PIEZO1: variants seen among roughly 807,000 people sequenced by gnomAD.
PIEZO1 encodes piezo type mechanosensitive ion channel component 1 (Er blood group).
In PIEZO1, 296 loss-of-function variants were observed where a neutral mutation model predicts 297.2. The ratio of observed to expected loss-of-function variants is 1.00; its 90% CI spans 0.91 to 1.10. The LOEUF is 1.10. Among genes scored for constraint, PIEZO1 ranks in the 50% least tolerant of loss-of-function variants. PIEZO1 has a pLI of 0.00. For synonymous variants in PIEZO1, 2,427 were observed against 1,507.5 expected (o/e 1.61, Z -14.13); for missense variants, 5,018 against 3,455.5 (o/e 1.45, Z -11.34).
At position 88,716,256 on chromosome 16, in the gene PIEZO1, G is replaced by T; in HGVS notation, c.7071C>A (p.Pro2357=). Residue 2357 remains proline (P), a synonymous_variant, in exon 49 of 51, where the codon CCC becomes CCA. Transcript: ENST00000301015. ...DQSVVIPNLF[P]KYIRAPNGPE... The stretch of plus-strand genomic sequence containing the variant: ...GCCCGTTGGGGGCACGGATGTACTT[G>T]GGGAAGAGATTAGGGATGACCCTGC... 6.7e-7 allele frequency: 1 copy of T among 1,493,968 alleles called. No individual in the cohort carries two copies. Among genetic ancestry groups the T allele is most frequent in the South Asian group, 1.3e-5 (1 of 74,708 alleles). The allele number at this position is 1,493,968 out of a possible 1,614,324, so 92.5% of individuals were successfully genotyped here. A position where few individuals can be genotyped will look rare whatever the true frequency, so the allele number is the denominator to read the frequency against.
Position 88,733,610 on chromosome 16 carries a change from G to A in PIEZO1, c.2465C>T (p.Thr822Ile), listed in dbSNP as rs760278106. ...CACCTCCTTCAGGGCCACCCAGACG[G>A]TGTACAGGGCCACCAGCTTGAAAAC... is the stretch of plus-strand genomic sequence containing the variant. ...LHVFKLVALY[T>I]VWVALKEVSV... The change falls in exon 18 of 51, where the codon ACC (threonine) becomes ATC (isoleucine). Residue 822 changes from threonine to isoleucine, a missense_variant. By Grantham distance (89) the Thr-to-Ile change is moderately conservative. Coordinates refer to ENST00000301015, the MANE Select transcript of PIEZO1 (RefSeq NM_001142864.4). 1.5e-4 allele frequency: 239 copies of A among 1,548,306 alleles called. 1 individual carries two copies. Among genetic ancestry groups the A allele is most frequent in the Non-Finnish European group, 1.4e-5 (16 of 1,145,716 alleles).
At chr16:88,761,848 T>A (rs1906949262) in intron 1 of PIEZO1, among the ~76,000 whole-genome samples, 1 of 151,526 alleles carries the variant, frequency 6.6e-6, no homozygotes, top group Admixed American at 6.6e-5. Flanking sequence ...TGTGCTGGGC[T>A]CCCCTGCAGG....
chr16:88,743,011 A>G (rs1368229127), intron 2 of PIEZO1: 1 of 454,494 alleles, frequency 2.2e-6, no homozygotes, highest in South Asian at 1.6e-5. Flanking sequence ...CTGGCATTTC[A>G]GGCACCTGCT....
At chr16:88,725,390 G>T in intron 29 of PIEZO1, 26 bp downstream of exon 29, 1 of 1,327,804 alleles carries the variant, frequency 7.5e-7, no homozygotes. Flanking sequence ...ACGGGGCCCT[G>T]GGTGCCCGAC....
Position 88,734,759 on chromosome 16 carries a change from A to G in PIEZO1, c.1888T>C (p.Trp630Arg), listed in dbSNP as rs1905091416. Residue 630 changes from tryptophan to arginine, a missense_variant, in exon 15 of 51, where the codon TGG becomes CGG. Transcript: ENST00000301015. ...SLWRKLLKAF[W>R]WLVVAYTMLV... ...ATGGTGTAGGCCACCACGAGCCACC[A>G]GAAGGCCTTGAGCAGCTTCCGCCAC... 8.4e-6 allele frequency: 13 copies of G among 1,550,330 alleles called. No homozygotes were observed. Among genetic ancestry groups the G allele is most frequent in the Non-Finnish European group, 1.1e-5 (13 of 1,146,918 alleles).
intron 39 of PIEZO1, 34 bp downstream of exon 39, chr16:88,721,132 G>A (rs1306568581): frequency 6.9e-7 from 1 of 1,458,076 alleles, no homozygotes; most frequent in Non-Finnish European, 9.0e-7. Flanking sequence ...AGAAAACTGG[G>A]TAGGCAGGAG....
intron 50 of PIEZO1, 28 bp from the exon 51 acceptor site, chr16:88,715,882 G>T: frequency 6.5e-7 from 1 of 1,546,108 alleles, no homozygotes; most frequent in Non-Finnish European, 8.7e-7. Context: ...GAGTCCTGGG[G>T]CCGCCCGGAG....
At chr16:88,749,346 C>T (rs1283190129) in intron 2 of PIEZO1, 38 bp downstream of exon 2, 7 of 1,365,414 alleles carry the variant, frequency 5.1e-6, no homozygotes, top group East Asian at 2.9e-5. Flanking sequence ...CCCACCCCCT[C>T]CCACCCTGAG....
chr16:88,722,745 G>T, intron 34 of PIEZO1, 56 bp from the exon 35 acceptor site: 1 of 1,528,388 alleles, frequency 6.5e-7, no homozygotes, highest in South Asian at 1.2e-5. Flanking sequence ...CCCACACGGG[G>T]TTTCGTGCAG....
intron 5 of PIEZO1, 42 bp from the exon 6 acceptor site, chr16:88,738,778 C>A (rs1301544115): frequency 1.3e-6 from 2 of 1,483,290 alleles, no homozygotes; most frequent in Admixed American, 4.0e-5. Flanking sequence ...GTGTATCGCA[C>A]TGACGCCACC....
At chr16:88,722,781 AG>A in intron 34 of PIEZO1, 55 bp downstream of exon 34, 1 of 1,531,256 alleles carries the variant, frequency 6.5e-7, no homozygotes, top group Non-Finnish European at 8.8e-7. Context: ...GCTGTTAAGC[AG>A]GCAGGGGCGT....
At chr16:88,760,055 G>A (rs753053488) in intron 1 of PIEZO1, among the ~76,000 whole-genome samples, 3 of 90,790 alleles carry the variant, frequency 3.3e-5, no homozygotes, top group African/African-American at 5.5e-5. Flanking sequence ...AGGCCCCAGC[G>A]GACGTGACAC....
intron 29 of PIEZO1, 28 bp downstream of exon 29, chr16:88,725,388 C>A: frequency 7.5e-7 from 1 of 1,328,738 alleles, no homozygotes; most frequent in Non-Finnish European, 1.0e-6. Context: ...ACACGGGGCC[C>A]TGGGTGCCCG....
At chr16:88,763,151 G>C (rs935998272) in intron 1 of PIEZO1, among the ~76,000 whole-genome samples, 4 of 152,230 alleles carry the variant, frequency 2.6e-5, no homozygotes, top group African/African-American at 9.6e-5. Flanking sequence ...CAGCTGGTGA[G>C]CTAGCAGCCA....
intron 44 of PIEZO1, chr16:88,717,677 C>T (rs572026659): frequency 2.5e-5 from 11 of 436,856 alleles, no homozygotes; most frequent in African/African-American, 1.8e-4. Flanking sequence ...TTTGTGCTTC[C>T]AAAGACACCA....
In PIEZO1 at chr16:88,727,681, G is replaced by A. The variant is rs1213142422; in HGVS notation, c.3197-20C>T. 2.3e-6 allele frequency: 3 copies of A among 1,309,450 alleles called. No homozygotes were observed. Among genetic ancestry groups the A allele is most frequent in the East Asian group, 2.7e-5 (1 of 37,366 alleles). 81.1% of individuals were successfully genotyped at this position (1,309,450 alleles called of 1,614,324 possible). ...GATAATCTGGGGGAAGGGGTGTCAT[G>A]TCAGGAAGGGCCGGGCCTGCCTGGG... On this transcript the variant is annotated intron_variant, in intron 22 of 50. Coordinates refer to ENST00000301015, the MANE Select transcript of PIEZO1 (RefSeq NM_001142864.4).
At chr16:88,767,412 G>C (rs1003462960) in intron 1 of PIEZO1, among the ~76,000 whole-genome samples, 2 of 152,120 alleles carry the variant, frequency 1.3e-5, no homozygotes, top group African/African-American at 4.8e-5. Context: ...ATCCCCCAGA[G>C]ACCAGAATGA....
chr16:88,723,827 A>T (rs1294929586), intron 31 of PIEZO1, 44 bp downstream of exon 31: 2 of 1,031,464 alleles, frequency 1.9e-6, no homozygotes, highest in East Asian at 5.2e-5. Context: ...CAGGACCACA[A>T]GCTCTGTGGT....
Position 88,724,120 on chromosome 16 carries a change from G to A in PIEZO1, c.4235-149C>T, listed in dbSNP as rs1173456054. On this transcript the variant is annotated intron_variant, in intron 30 of 50. Coordinates refer to ENST00000301015, the MANE Select transcript of PIEZO1 (RefSeq NM_001142864.4). ...CAGGCACAAGACACAGGCCAGCGCG[G>A]TGGGACAAGACAGAGGTGGGCAGGG... The A allele has an allele frequency of 8.1e-6, 5 of 617,020 alleles. No homozygotes were observed. The African/African-American group carries it at 9.1e-5, about 11-fold the overall frequency. The allele number at this position is 617,020 out of a possible 1,614,324, so 38.2% of individuals were successfully genotyped here.
Sources: allele counts gnomAD v4.1 joint callset (sites outside exome capture counted in the v4.1 genomes callset), GRCh38; gene constraint gnomAD v4.1.1; transcripts MANE v1.5; gene names NCBI Gene and HGNC (gene_info 2026-07-23, HGNC 2026-07-21).